RAP1GDS1: variants seen among roughly 807,000 people sequenced by gnomAD.
RAP1GDS1 encodes the protein RAP1, GTP-GDP dissociation stimulator 1.
Under a neutral mutation model 71.1 loss-of-function variants are expected in RAP1GDS1, and 35 were observed. That is an observed-to-expected ratio of 0.49 (90% CI 0.38 to 0.65). The LOEUF (loss-of-function observed/expected upper bound fraction) is 0.65. RAP1GDS1 is among the 30% of genes least tolerant of loss of function. The pLI is 0.00. For missense variants in RAP1GDS1, 663 were observed against 706.1 expected, an observed-to-expected ratio of 0.94 and a Z score of 0.69; for synonymous variants, 229 against 243.1, an observed-to-expected ratio of 0.94 and a Z score of 0.54.
intron 1 of RAP1GDS1, among the ~76,000 whole-genome samples, chr4:98,279,356 TTACA>T (rs1353138878): frequency 6.6e-6 from 1 of 151,856 alleles, no homozygotes; most frequent in Non-Finnish European, 1.5e-5. Context: ...TGCAAAAGAA[TTACA>T]TAAATGATAT....
chr4:98,365,716 T>C (rs1186900915), intron 4 of RAP1GDS1, among the ~76,000 whole-genome samples: 1 of 152,252 alleles, frequency 6.6e-6, no homozygotes, highest in African/African-American at 2.4e-5. Flanking sequence ...CATCTAACTT[T>C]TTTTAAATGT....
intron 1 of RAP1GDS1, among the ~76,000 whole-genome samples, chr4:98,292,347 C>A (rs561956267): frequency 1.3e-5 from 2 of 151,514 alleles, no homozygotes; most frequent in African/African-American, 4.8e-5. Flanking sequence ...TTGCCCGGGC[C>A]GGTATCAAAC....
intron 1 of RAP1GDS1, among the ~76,000 whole-genome samples, chr4:98,263,323 C>T (rs2110215734): frequency 6.6e-6 from 1 of 152,296 alleles, no homozygotes; most frequent in South Asian, 2.1e-4. Flanking sequence ...AACATTTTAG[C>T]TTACATGTTA....
chr4:98,315,704 G>A (rs1730840392), intron 2 of RAP1GDS1, among the ~76,000 whole-genome samples: 1 of 151,954 alleles, frequency 6.6e-6, no homozygotes, highest in South Asian at 2.1e-4. Flanking sequence ...TATTATCAAA[G>A]GACTTTTATA....
chr4:98,279,933 T>C (rs1184554301), intron 1 of RAP1GDS1, among the ~76,000 whole-genome samples: 1 of 152,240 alleles, frequency 6.6e-6, no homozygotes, highest in African/African-American at 2.4e-5. Context: ...GCAAAGGGCA[T>C]GAACTCATCC....
intron 1 of RAP1GDS1, among the ~76,000 whole-genome samples, chr4:98,281,042 A>G (rs985643173): frequency 2.6e-5 from 4 of 152,098 alleles, no homozygotes; most frequent in Non-Finnish European, 5.9e-5. Flanking sequence ...GTCAGGTAGC[A>G]TGATGCCTCC....
At chr4:98,361,843 A>T (rs905378594) in intron 4 of RAP1GDS1, among the ~76,000 whole-genome samples, 1 of 152,224 alleles carries the variant, frequency 6.6e-6, no homozygotes, top group Non-Finnish European at 1.5e-5. Context: ...ACAAAATTGC[A>T]AATTGCATGC....
intron 1 of RAP1GDS1, among the ~76,000 whole-genome samples, chr4:98,263,286 T>G (rs1212141417): frequency 5.3e-5 from 8 of 152,340 alleles, no homozygotes; most frequent in Non-Finnish European, 5.9e-5. Context: ...TTCCCATGTT[T>G]CCAGGTGAGC....
rs147494695 is a variant in RAP1GDS1, at chr4:98,365,570, T to C, written c.361+12969T>C. 1.1e-3 allele frequency among the ~76,000 whole-genome samples: 162 copies of C among 151,854 alleles called. 1 individual carries two copies. The highest frequency in any genetic ancestry group is 3.8e-3 in the African/African-American group (157 of 41,406). On this transcript the variant is annotated intron_variant, in intron 4 of 14. Coordinates refer to ENST00000408927, the MANE Select transcript of RAP1GDS1 (RefSeq NM_001100427.2). ...CCTGGGAGATCGAGGCTGCAGTGAGTGGAGATTGTGCCACTGCATTCCAGC... is the reference window on the plus strand; with the variant it reads ...CCTGGGAGATCGAGGCTGCAGTGAGCGGAGATTGTGCCACTGCATTCCAGC...
chr4:98,288,673 T>C (rs1406033236), intron 1 of RAP1GDS1, among the ~76,000 whole-genome samples: 14 of 152,152 alleles, frequency 9.2e-5, no homozygotes, highest in Admixed American at 5.9e-4. Context: ...TCCTGTTTCT[T>C]CACATCCTCT....
intron 4 of RAP1GDS1, among the ~76,000 whole-genome samples, chr4:98,377,166 A>G (rs915667632): frequency 1.3e-5 from 2 of 151,922 alleles, no homozygotes; most frequent in African/African-American, 4.8e-5. Context: ...TCCTAAGCAT[A>G]CATGATTTAT....
At chr4:98,304,587 A>G (rs1479653715) in intron 2 of RAP1GDS1, among the ~76,000 whole-genome samples, 2 of 151,894 alleles carry the variant, frequency 1.3e-5, no homozygotes, top group African/African-American at 4.8e-5. Context: ...TAAATTCTGG[A>G]TATTAGACCT....
intron 13 of RAP1GDS1, 30 bp from the exon 14 acceptor site, chr4:98,436,910 C>T (rs202233532): frequency 9.1e-5 from 142 of 1,558,024 alleles, no homozygotes; most frequent in South Asian, 3.1e-4. Context: ...TGGGTTCGTA[C>T]GCAGTAGATA....
chr4:98,400,654 C>T (rs1745275958), intron 6 of RAP1GDS1, among the ~76,000 whole-genome samples: 1 of 151,712 alleles, frequency 6.6e-6, no homozygotes, highest in Non-Finnish European at 1.5e-5. Flanking sequence ...CTTTAGTGTT[C>T]TGTACCATTG....
chr4:98,363,919 C>T (rs1057491194), intron 4 of RAP1GDS1, among the ~76,000 whole-genome samples: 1 of 151,948 alleles, frequency 6.6e-6, no homozygotes, highest in Non-Finnish European at 1.5e-5. Context: ...TGGGAAAGTG[C>T]GAAAGGGAGA....
At chr4:98,308,845 T>A (rs1480461919) in intron 2 of RAP1GDS1, among the ~76,000 whole-genome samples, 2 of 152,102 alleles carry the variant, frequency 1.3e-5, no homozygotes, top group Non-Finnish European at 2.9e-5. Context: ...CTGACAAACA[T>A]AGGAGATTTC....
intron 4 of RAP1GDS1, among the ~76,000 whole-genome samples, chr4:98,376,546 CATT>C (rs1741210791): frequency 6.6e-6 from 1 of 152,058 alleles, no homozygotes; most frequent in African/African-American, 2.4e-5. Flanking sequence ...TAAAGGAACA[CATT>C]ATTATCATTT....
intron 6 of RAP1GDS1, chr4:98,396,978 G>C (rs1744636854): frequency 6.6e-6 from 1 of 152,134 alleles, no homozygotes; most frequent in Admixed American, 6.6e-5. Flanking sequence ...AATTTAACAA[G>C]TGCAATCTAT....
rs988380066 is a variant in RAP1GDS1 at position 98,382,386 on chromosome 4, A to T, written c.508+3223A>T. On this transcript the variant is annotated intron_variant, in intron 5 of 14. Coordinates refer to ENST00000408927, the MANE Select transcript of RAP1GDS1 (RefSeq NM_001100427.2). ...ATACATGTTTTTCACATGGTGAAAAAGCACTCTTTGATTCTGTGGCTCATG... is the reference window on the plus strand; with the variant it reads ...ATACATGTTTTTCACATGGTGAAAATGCACTCTTTGATTCTGTGGCTCATG... 2.6e-5 allele frequency among the ~76,000 whole-genome samples: 4 copies of T among 151,696 alleles called. No individual in the cohort carries two copies. In the East Asian group the frequency reaches 5.8e-4, roughly 22 times the overall value.
Sources: gnomAD v4.1 joint callset for allele counts (sites outside exome capture counted in the v4.1 genomes callset) on GRCh38, gnomAD v4.1.1 for gene constraint, MANE v1.5 for transcripts, NCBI Gene and HGNC (gene_info 2026-07-23, HGNC 2026-07-21) for gene names.